The following ATXN8OS variants were observed in gnomAD, a reference collection of about 807,000 sequenced individuals.
ATXN8OS encodes the protein ATXN8 opposite strand lncRNA, also known as ATXN8 opposite strand (non-protein coding).
At chr13:70,115,314 A>G (rs181833935) in intron 2 of ATXN8OS, 148 of 398,066 alleles carry the variant, frequency 3.7e-4, no homozygotes, top group African/African-American at 2.6e-3. Flanking sequence ...TCCATTTTAT[A>G]ATGTCATTAA....
At chr13:70,167,387 A>G (rs1294649968) in intron 4 of ATXN8OS, among the ~76,000 whole-genome samples, 1 of 152,062 alleles carries the variant, frequency 6.6e-6, no homozygotes, top group Non-Finnish European at 1.5e-5. Flanking sequence ...GGAAACCATC[A>G]TTCTCAGCAA....
At chr13:70,111,475 C>T (rs1888198017) in intron 1 of ATXN8OS, among the ~76,000 whole-genome samples, 1 of 151,984 alleles carries the variant, frequency 6.6e-6, no homozygotes, top group Non-Finnish European at 1.5e-5. Flanking sequence ...GTCTCAGGTC[C>T]CTCTTCCTTT....
chr13:70,108,186 G>A (rs1888124708), intron 1 of ATXN8OS: 2 of 397,766 alleles, frequency 5.0e-6, no homozygotes, highest in Non-Finnish European at 4.4e-6. Context: ...TTCAGTGTCT[G>A]GAGAGCGCAG....
chr13:70,164,167 C>A (rs1889046854), intron 4 of ATXN8OS, among the ~76,000 whole-genome samples: 1 of 149,718 alleles, frequency 6.7e-6, no homozygotes, highest in Non-Finnish European at 1.5e-5. Context: ...CACTTATTTC[C>A]CAATTACCAT....
Position 70,151,841 on chromosome 13 carries a change from C to T in ATXN8OS, n.573+4413C>T, listed in dbSNP as rs1246110085. ...TTAGTGGATTTGTTAGAACTCTAGG[C>T]GTGGTGATCACTGGAATGGTAAACA... On this transcript the variant is annotated intron_variant and non_coding_transcript_variant, in intron 4 of 4. Transcript: ENST00000678624. 3.3e-5 allele frequency among the ~76,000 whole-genome samples: 5 copies of T among 152,124 alleles called. No homozygotes were observed. The South Asian group carries it at 1.0e-3, about 32-fold the overall frequency.
At chr13:70,149,101 T>A (rs1888827802) in intron 4 of ATXN8OS, among the ~76,000 whole-genome samples, 1 of 152,142 alleles carries the variant, frequency 6.6e-6, no homozygotes, top group South Asian at 2.1e-4. Context: ...TTGATGCCAC[T>A]GTGTGAACAT....
intron 4 of ATXN8OS, among the ~76,000 whole-genome samples, chr13:70,162,547 G>A (rs926035615): frequency 1.3e-5 from 2 of 152,062 alleles, no homozygotes; most frequent in Admixed American, 1.3e-4. Flanking sequence ...ATGAAAAATG[G>A]GAGGAAGAGA....
chr13:70,137,928 T>A (rs965372744), intron 3 of ATXN8OS, among the ~76,000 whole-genome samples: 1 of 152,054 alleles, frequency 6.6e-6, no homozygotes, highest in Non-Finnish European at 1.5e-5. Flanking sequence ...AGACAGAAAG[T>A]GAAGGGGAAG....
intron 1 of ATXN8OS, among the ~76,000 whole-genome samples, chr13:70,114,868 C>A (rs958350226): frequency 6.6e-6 from 1 of 151,928 alleles, no homozygotes; most frequent in Non-Finnish European, 1.5e-5. Flanking sequence ...CTCCATAAGC[C>A]GTACTTTTTC....
intron 1 of ATXN8OS, among the ~76,000 whole-genome samples, chr13:70,112,645 GTTTA>G (rs1888212616): frequency 6.6e-6 from 1 of 151,808 alleles, no homozygotes; most frequent in African/African-American, 2.4e-5. Flanking sequence ...AACCTCCTTG[GTTTA>G]TTTGACCTTT....
chr13:70,135,963 A>G (rs988897330), intron 3 of ATXN8OS, among the ~76,000 whole-genome samples: 2 of 152,242 alleles, frequency 1.3e-5, no homozygotes, highest in Admixed American at 1.3e-4. Context: ...AACAATTGAT[A>G]AATTAGGCCG....
At chr13:70,116,201 C>T (rs1442168610) in intron 2 of ATXN8OS, among the ~76,000 whole-genome samples, 1 of 150,484 alleles carries the variant, frequency 6.6e-6, no homozygotes, top group East Asian at 1.9e-4. Flanking sequence ...CCTCAAGCAC[C>T]TTACATTCTT....
intron 3 of ATXN8OS, among the ~76,000 whole-genome samples, chr13:70,143,716 A>T (rs781255483): frequency 1.3e-5 from 2 of 152,154 alleles, no homozygotes; most frequent in Non-Finnish European, 2.9e-5. Flanking sequence ...TAAATAATAC[A>T]TATACTACTG....
At chr13:70,143,207 C>T (rs1888740127) in intron 3 of ATXN8OS, among the ~76,000 whole-genome samples, 1 of 152,068 alleles carries the variant, frequency 6.6e-6, no homozygotes. Flanking sequence ...ATATTAGATT[C>T]TATTTTTCTA....
upstream of ATXN8OS, chr13:70,107,487 C>T: frequency 6.2e-7 from 1 of 1,610,590 alleles, no homozygotes; most frequent in Non-Finnish European, 8.5e-7. Flanking sequence ...AGGAGGAAGG[C>T]TTCTTCCAGA....
At chr13:70,167,945 C>T (rs1397132147) in intron 4 of ATXN8OS, among the ~76,000 whole-genome samples, 1 of 151,954 alleles carries the variant, frequency 6.6e-6, no homozygotes, top group Non-Finnish European at 1.5e-5. Flanking sequence ...ACCGTGTGAT[C>T]TCAATCTCCT....
intron 3 of ATXN8OS, among the ~76,000 whole-genome samples, chr13:70,134,231 T>G (rs948003827): frequency 6.6e-6 from 1 of 152,180 alleles, no homozygotes; most frequent in African/African-American, 2.4e-5. Flanking sequence ...ATAGAAGACA[T>G]ACTTAGGATT....
chr13:70,148,988 T>G (rs1011940572), intron 4 of ATXN8OS, among the ~76,000 whole-genome samples: 5 of 152,238 alleles, frequency 3.3e-5, no homozygotes, highest in Admixed American at 1.3e-4. Context: ...TCTCAACTAA[T>G]AAAAGAATGA....
At chr13:70,113,175 C>T (rs1049435027) in intron 1 of ATXN8OS, among the ~76,000 whole-genome samples, 1 of 151,848 alleles carries the variant, frequency 6.6e-6, no homozygotes, top group African/African-American at 2.4e-5. Context: ...ACATCTTGGC[C>T]TCCCAAAGTG....
Sources: allele counts gnomAD v4.1 joint callset (sites outside exome capture counted in the v4.1 genomes callset), GRCh38; gene constraint gnomAD v4.1.1; transcripts MANE v1.5; gene names NCBI Gene and HGNC (gene_info 2026-07-23, HGNC 2026-07-21).